NHSL2: variants seen among roughly 807,000 people sequenced by gnomAD.
NHSL2 encodes NHS-like protein 2.
In NHSL2, 27 loss-of-function variants were observed where a neutral mutation model predicts 53.4. The ratio of observed to expected loss-of-function variants is 0.51; its 90% CI spans 0.37 to 0.70. NHSL2 has a LOEUF of 0.70. NHSL2 is among the 30% of genes least tolerant of loss of function. The pLI, the probability that NHSL2 is intolerant of heterozygous loss-of-function variation, is 0.00. For missense variants in NHSL2, 892 were observed against 980.1 expected, an observed-to-expected ratio of 0.91 and a Z score of 1.20; for synonymous variants, 408 against 404.1, an observed-to-expected ratio of 1.01 and a Z score of -0.12.
intron 1 of NHSL2, chrX:72,131,136 C>T (rs1347258964): frequency 3.9e-5 from 46 of 1,189,468 alleles, no homozygotes; most frequent in Non-Finnish European, 5.0e-5. Context: ...GTTCCTTTGA[C>T]GCGGGCGGAG....
intron 1 of NHSL2, among the ~76,000 whole-genome samples, chrX:71,965,304 A>G (rs140415307): frequency 0.022 from 2,506 of 112,471 alleles, 74 homozygotes; most frequent in African/African-American, 0.077. Flanking sequence ...GTATAAAGTC[A>G]ATGTCTAGAT....
At chrX:72,019,271 G>A (rs1217448291) in intron 1 of NHSL2, among the ~76,000 whole-genome samples, 1 of 112,261 alleles carries the variant, frequency 8.9e-6, no homozygotes, top group Non-Finnish European at 1.9e-5. Flanking sequence ...AGATTGCTGT[G>A]TGACCTTGGT....
intron 1 of NHSL2, among the ~76,000 whole-genome samples, chrX:71,986,859 G>C (rs1460238150): frequency 1.8e-5 from 2 of 111,607 alleles, no homozygotes; most frequent in Non-Finnish European, 3.8e-5. Flanking sequence ...TTCACACACA[G>C]AATTTCTTTT....
intron 1 of NHSL2, among the ~76,000 whole-genome samples, chrX:72,059,881 C>A (rs1428787238): frequency 8.9e-6 from 1 of 112,029 alleles, no homozygotes. Flanking sequence ...CTCTAGCAAC[C>A]CCAAACTCAC....
At chrX:71,936,051 AT>A (rs2041736656) in intron 1 of NHSL2, among the ~76,000 whole-genome samples, 2 of 112,267 alleles carry the variant, frequency 1.8e-5, no homozygotes, top group African/African-American at 6.5e-5. Flanking sequence ...GTAAAGTTAC[AT>A]AAAGCTTCTG....
At chrX:71,915,112 T>C (rs937452350) in intron 1 of NHSL2, among the ~76,000 whole-genome samples, 1 of 112,001 alleles carries the variant, frequency 8.9e-6, no homozygotes, top group South Asian at 3.8e-4. Context: ...CCTGGAGATT[T>C]GGATACCAAA....
At chrX:71,987,996 G>A (rs1482944360) in intron 1 of NHSL2, among the ~76,000 whole-genome samples, 2 of 112,578 alleles carry the variant, frequency 1.8e-5, no homozygotes, top group African/African-American at 6.5e-5. Context: ...GCAACCAAGA[G>A]AAAGTACTGC....
intron 1 of NHSL2, among the ~76,000 whole-genome samples, chrX:71,950,492 G>T (rs1471834084): frequency 8.9e-6 from 1 of 112,542 alleles, no homozygotes; most frequent in African/African-American, 3.2e-5. Flanking sequence ...ATAATGGGAG[G>T]AGAGCTGGAC....
At chrX:72,087,430 T>C (rs996794336) in intron 1 of NHSL2, among the ~76,000 whole-genome samples, 16 of 112,495 alleles carry the variant, frequency 1.4e-4, no homozygotes, top group Non-Finnish European at 3.8e-5. Flanking sequence ...TGGAAATCCA[T>C]AGTGGTGATG....
chrX:72,115,710 G>A (rs990183135), intron 1 of NHSL2, among the ~76,000 whole-genome samples: 2 of 110,815 alleles, frequency 1.8e-5, no homozygotes, highest in Non-Finnish European at 3.8e-5. Context: ...CTGCCATTGT[G>A]GGGGGAAGGG....
At chrX:71,932,024 A>G (rs1005986802) in intron 1 of NHSL2, among the ~76,000 whole-genome samples, 3 of 112,441 alleles carry the variant, frequency 2.7e-5, no homozygotes, top group African/African-American at 9.7e-5. Context: ...TGTGCCAGAC[A>G]CTGTGCCAGG....
chrX:72,012,863 T>C (rs2042121432), intron 1 of NHSL2, among the ~76,000 whole-genome samples: 1 of 112,248 alleles, frequency 8.9e-6, no homozygotes, highest in Admixed American at 9.4e-5. Context: ...GTGGGTCTAT[T>C]TCTAGGTTCT....
intron 1 of NHSL2, among the ~76,000 whole-genome samples, chrX:71,957,488 G>A (rs969306252): frequency 8.9e-6 from 1 of 111,915 alleles, no homozygotes; most frequent in Non-Finnish European, 1.9e-5. Context: ...GGATGGTCTC[G>A]ATCTCCTGAC....
intron 1 of NHSL2, among the ~76,000 whole-genome samples, chrX:71,968,640 TTTATTC>T (rs1178684540): frequency 4.5e-5 from 5 of 112,134 alleles, no homozygotes; most frequent in Non-Finnish European, 7.5e-5. Flanking sequence ...TCTTCCATGT[TTTATTC>T]TAAGAGTTTT....
intron 1 of NHSL2, among the ~76,000 whole-genome samples, chrX:72,047,451 G>A (rs755998771): frequency 4.5e-5 from 5 of 112,230 alleles, no homozygotes; most frequent in African/African-American, 1.6e-4. Context: ...CAATGGCTAT[G>A]GCCCAGGAAT....
At chrX:71,932,056 G>A (rs997478353) in intron 1 of NHSL2, among the ~76,000 whole-genome samples, 6 of 112,307 alleles carry the variant, frequency 5.3e-5, no homozygotes, top group Admixed American at 1.9e-4. Context: ...ATTAGCCATG[G>A]CCCTTGCCTT....
intron 4 of NHSL2, 101 bp downstream of exon 4, chrX:72,134,805 T>C (rs2042342475): frequency 3.2e-6 from 2 of 626,147 alleles, no homozygotes; most frequent in Admixed American, 2.9e-5. Context: ...GAGACTTTCT[T>C]TGCTACCGGC....
At chrX:72,113,933 G>T (rs184911932) in intron 1 of NHSL2, among the ~76,000 whole-genome samples, 1 of 112,229 alleles carries the variant, frequency 8.9e-6, no homozygotes, top group Admixed American at 9.4e-5. Context: ...TGTATGAGGG[G>T]CTGGACTAGG....
rs779751624 is a variant in NHSL2, at chrX:72,139,330, G to A, written c.1782G>A (p.Lys594=). 8.3e-7 allele frequency: 1 copy of A among 1,210,033 alleles called. No individual in the cohort carries two copies. The highest frequency in any genetic ancestry group is 1.1e-6 in the Non-Finnish European group (1 of 894,399). The stretch of plus-strand genomic sequence containing the variant: ...CTGAAGGTGGGTCAGCACTACCCAA[G>A]GACCAGAGGCCCAAGAGCCTTTGCC... The part of the protein sequence containing the change: ...LLPEGGSALP[K]DQRPKSLCLS... The change falls in exon 6 of 8, where the codon AAG becomes AAA. Residue 594 remains lysine, a synonymous_variant. Transcript: ENST00000633930.
Sources: allele counts gnomAD v4.1 joint callset (sites outside exome capture counted in the v4.1 genomes callset), GRCh38; gene constraint gnomAD v4.1.1; transcripts MANE v1.5; gene names NCBI Gene and HGNC (gene_info 2026-07-23, HGNC 2026-07-21).